CLECL1: variants seen among roughly 807,000 people sequenced by gnomAD.
CLECL1 encodes the protein C-type lectin-like domain family 1.
chr12:9,704,869 C>T, the CLECL1 span, among the ~76,000 whole-genome samples: 5 of 152,234 alleles, frequency 3.3e-5, no homozygotes, highest in African/African-American at 1.2e-4. Flanking sequence ...CTGCAATGAA[C>T]ATATGTGTGC....
intron 1 of CLECL1, among the ~76,000 whole-genome samples, chr12:9,730,634 A>C (rs1454354405): frequency 6.6e-6 from 1 of 152,212 alleles, no homozygotes; most frequent in Non-Finnish European, 1.5e-5. Flanking sequence ...GTGGGAGTCA[A>C]GTCAGTCACA....
chr12:9,731,785 G>T (rs906380334), intron 1 of CLECL1, among the ~76,000 whole-genome samples: 8 of 152,070 alleles, frequency 5.3e-5, no homozygotes, highest in African/African-American at 1.9e-4. Flanking sequence ...AAAAGAATAA[G>T]GTTTTATTTA....
chr12:9,703,410 AT>A, the CLECL1 span, among the ~76,000 whole-genome samples: 1 of 151,402 alleles, frequency 6.6e-6, no homozygotes, highest in African/African-American at 2.4e-5. Context: ...TTATTTATTT[AT>A]TGAGACAAGG....
At chr12:9,731,017 A>G (rs1318237093) in intron 1 of CLECL1, among the ~76,000 whole-genome samples, 1 of 152,214 alleles carries the variant, frequency 6.6e-6, no homozygotes, top group Admixed American at 6.5e-5. Flanking sequence ...ACGAACTGAA[A>G]TTATGGATCC....
chr12:9,718,619 T>C, downstream of CLECL1: 1 of 631,252 alleles, frequency 1.6e-6, no homozygotes, highest in Non-Finnish European at 2.8e-6. Context: ...AGACACAACC[T>C]TTAAAGATGT....
the CLECL1 span, among the ~76,000 whole-genome samples, chr12:9,706,428 T>C: frequency 2.0e-4 from 30 of 152,362 alleles, no homozygotes; most frequent in African/African-American, 7.2e-4. Flanking sequence ...TATCCTTGTC[T>C]TGTGTCAGTC....
At chr12:9,722,588 C>CA, downstream of CLECL1, 2 of 1,536,392 alleles carry the variant, frequency 1.3e-6, no homozygotes, top group Non-Finnish European at 1.8e-6. Context: ...GTTTGTAGCA[C>CA]AAAAAATTCA....
intron 3 of CLECL1, among the ~76,000 whole-genome samples, chr12:9,723,593 T>C (rs898676428): frequency 1.3e-5 from 2 of 152,078 alleles, no homozygotes; most frequent in Non-Finnish European, 2.9e-5. Context: ...CTTAGGCCAA[T>C]TGTAGTCCCA....
the CLECL1 span, among the ~76,000 whole-genome samples, chr12:9,703,673 T>C: frequency 6.6e-6 from 1 of 152,150 alleles, no homozygotes; most frequent in African/African-American, 2.4e-5. Flanking sequence ...TGGATTATAG[T>C]TGTGAGCCAC....
At chr12:9,710,580 C>T in the CLECL1 span, among the ~76,000 whole-genome samples, 1 of 152,182 alleles carries the variant, frequency 6.6e-6, no homozygotes, top group African/African-American at 2.4e-5. Flanking sequence ...TTTCCCAAGA[C>T]CACCCTGGCC....
downstream of CLECL1, among the ~76,000 whole-genome samples, chr12:9,714,623 C>T (rs1172282509): frequency 3.3e-5 from 5 of 152,202 alleles, no homozygotes; most frequent in African/African-American, 4.8e-5. Flanking sequence ...TGAGTGAATC[C>T]TTTTCCTTCT....
At chr12:9,717,654 C>A (rs1379949264), downstream of CLECL1, among the ~76,000 whole-genome samples, 1 of 152,196 alleles carries the variant, frequency 6.6e-6, no homozygotes, top group Admixed American at 6.5e-5. Context: ...AGCTTTCTTG[C>A]ATGAATTACC....
downstream of CLECL1, chr12:9,718,731 C>T (rs1187899208): frequency 1.1e-5 from 8 of 701,328 alleles, no homozygotes; most frequent in Non-Finnish European, 1.8e-5. Context: ...GATGTACACA[C>T]ATTGAAGAAA....
At chr12:9,733,486 G>A (rs948145153), upstream of CLECL1, among the ~76,000 whole-genome samples, 1 of 152,110 alleles carries the variant, frequency 6.6e-6, no homozygotes, top group Admixed American at 6.6e-5. Context: ...ATTTTATTAC[G>A]AAAGTTACAG....
exon 4 of CLECL1, chr12:9,722,757 G>T: frequency 1.2e-6 from 2 of 1,613,726 alleles, no homozygotes; most frequent in Non-Finnish European, 1.7e-6. Flanking sequence ...TTTCCCTTAT[G>T]CACCTTCCAG....
chr12:9,733,696 T>C (rs1469498936), upstream of CLECL1, among the ~76,000 whole-genome samples: 1 of 152,122 alleles, frequency 6.6e-6, no homozygotes, highest in Non-Finnish European at 1.5e-5. Context: ...GTTAAAATAA[T>C]TCAAGGTAAT....
chr12:9,709,532 C>A, the CLECL1 span, among the ~76,000 whole-genome samples: 1 of 152,134 alleles, frequency 6.6e-6, no homozygotes. Context: ...GAATTTCACC[C>A]AAATATTTGA....
the CLECL1 span, among the ~76,000 whole-genome samples, chr12:9,703,645 T>A: frequency 6.6e-6 from 1 of 152,128 alleles, no homozygotes; most frequent in East Asian, 1.9e-4. Context: ...TCTACCTGCC[T>A]TGGTCTTTCA....
downstream of CLECL1, among the ~76,000 whole-genome samples, chr12:9,712,098 C>A (rs1207992283): frequency 1.3e-5 from 2 of 152,130 alleles, no homozygotes; most frequent in African/African-American, 2.4e-5. Context: ...GGCAACATAG[C>A]AAGACCCTAT....
Sources: gnomAD v4.1 joint callset for allele counts (sites outside exome capture counted in the v4.1 genomes callset) on GRCh38, gnomAD v4.1.1 for gene constraint, MANE v1.5 for transcripts, NCBI Gene and HGNC (gene_info 2026-07-23, HGNC 2026-07-21) for gene names.